Variants in DEDD observed in about 807,000 individuals in gnomAD.
DEDD encodes death effector domain-containing protein.
A neutral mutation model predicts 29.2 loss-of-function variants in DEDD; 3 were observed. The observed-to-expected ratio is 0.10, with a 90% CI of 0.05 to 0.27. The LOEUF (loss-of-function observed/expected upper bound fraction) is 0.27, where lower values mean the gene tolerates loss of function less well. DEDD is among the 10% of genes least tolerant of loss of function. DEDD has a pLI of 1.00. For synonymous variants in DEDD, 152 were observed against 161.3 expected, an observed-to-expected ratio of 0.94 and a Z score of 0.44; for missense variants, 261 against 420.5, an observed-to-expected ratio of 0.62 and a Z score of 3.32.
rs960630759 is a variant in DEDD at position 161,121,941 on chromosome 1, A to G, written c.*206T>C. On this transcript the variant is annotated 3_prime_UTR_variant, in exon 6 of 6. Coordinates refer to ENST00000368006, the MANE Select transcript of DEDD (RefSeq NM_032998.3). The stretch of plus-strand genomic sequence containing the variant: ...GAGACACATTACGGGGTAAATGGAA[A>G]AGGGAAATAAAGGGGAAGCCCAGGC... 2.1e-5 allele frequency: 13 copies of G among 605,912 alleles called. No homozygotes were observed. The highest frequency in any genetic ancestry group is 1.7e-4 in the East Asian group (6 of 34,926). 37.5% of individuals were successfully genotyped at this position (605,912 alleles called of 1,614,324 possible). A position where few individuals can be genotyped will look rare whatever the true frequency, so the allele number is the denominator to read the frequency against.
chr1:161,132,485 C>CCCCGCCCGGCCCCGCCCCGT (rs1259977970), intron 1 of DEDD, 66 bp downstream of exon 1: 5 of 154,504 alleles, frequency 3.2e-5, no homozygotes, highest in East Asian at 1.9e-4. Flanking sequence ...CCCTTTGCGG[C>CCCCGCCCGGCCCCGCCCCGT]CCCGCCCGGC....
Position 161,122,527 on chromosome 1 carries a change from T to C in DEDD, c.581-4A>G, listed in dbSNP as rs1264108425. The stretch of plus-strand genomic sequence containing the variant: ...GCCCGAACCCGCAGTCTGATGTCTG[T>C]TGGAAACAGAAGATACAGAGCAGAA... On this transcript the variant is annotated splice_polypyrimidine_tract_variant and splice_region_variant and intron_variant, in intron 5 of 5. Coordinates refer to ENST00000368006, the MANE Select transcript of DEDD (RefSeq NM_032998.3). The surrounding 1 kb of genome is among the most constrained non-coding windows in gnomAD (Gnocchi z 4.2). 2.5e-6 allele frequency: 4 copies of C among 1,612,588 alleles called. No homozygotes were observed. Among genetic ancestry groups the C allele is most frequent in the East Asian group, 2.2e-5 (1 of 44,830 alleles).
chr1:161,129,539 C>CA (rs71579693), intron 2 of DEDD, among the ~76,000 whole-genome samples: 1,265 of 70,090 alleles, frequency 0.018, 11 homozygotes, highest in Middle Eastern at 0.077. Context: ...GACCTTGCCT[C>CA]AAAAAAAAAA....
rs139146046 is a variant in DEDD, at chr1:161,122,213, G to C, written c.891C>G (p.Asp297Glu). 6.8e-6 allele frequency: 11 copies of C among 1,614,076 alleles called. No homozygotes were observed. The highest frequency in any genetic ancestry group is 1.6e-4 in the Middle Eastern group (1 of 6,082). The change falls in exon 6 of 6, where the codon GAC (aspartate) becomes GAG (glutamate). Residue 297 changes from aspartate (D) to glutamate (E), a missense_variant. By Grantham distance (45) the Asp-to-Glu change is conservative. Coordinates refer to ENST00000368006, the MANE Select transcript of DEDD (RefSeq NM_032998.3). The surrounding 1 kb of genome is among the most constrained non-coding windows in gnomAD (Gnocchi z 4.2). ...GTCGGCCCAGCTCATAGTCCTCCTC[G>C]TCTACATTTACCAGCAGCTTGATGG... is the stretch of plus-strand genomic sequence containing the variant. ...HEAIKLLVNVDEEDYELGRQK... is the reference protein window; with the variant it reads ...HEAIKLLVNVEEEDYELGRQK...
Position 161,123,211 on chromosome 1 carries a change from G to A in DEDD, c.444C>T (p.His148=). 1 of 1,613,948 alleles carries A rather than the reference G, an allele frequency of 6.2e-7. No individual in the cohort carries two copies. Among genetic ancestry groups the A allele is most frequent in the Non-Finnish European group, 8.5e-7 (1 of 1,179,782 alleles). ...PPQPSKTVPP[H]YPVVCCPTSG... is the part of the protein sequence containing the mutation. ...AAGTGGGGCAACACACCACAGGATAGTGGGGAGGCACTGACCAGAAAGTAA... is the reference window on the plus strand; with the variant it reads ...AAGTGGGGCAACACACCACAGGATAATGGGGAGGCACTGACCAGAAAGTAA... The change falls in exon 5 of 6, where the codon CAC becomes CAT. Residue 148 remains histidine (H), a synonymous_variant. Transcript: ENST00000368006.
chr1:161,122,515 G>A lies in DEDD; in HGVS notation c.589C>T (p.Leu197=). Residue 197 remains leucine, a synonymous_variant, in exon 6 of 6, where the codon CTG becomes TTG. Coordinates refer to ENST00000368006, the MANE Select transcript of DEDD (RefSeq NM_032998.3). The surrounding 1 kb of genome is among the most constrained non-coding windows in gnomAD (Gnocchi z 4.2). ...PKEKQTCDIR[L]RVRAEYCQHE... ...TGGCAGTATTCAGCCCGAACCCGCAGTCTGATGTCTGTTGGAAACAGAAGA... is the reference window on the plus strand; with the variant it reads ...TGGCAGTATTCAGCCCGAACCCGCAATCTGATGTCTGTTGGAAACAGAAGA... 2 of 1,613,236 alleles carry A rather than the reference G, an allele frequency of 1.2e-6. No homozygotes were observed.
chr1:161,130,498 G>A (rs1249461309), intron 2 of DEDD, among the ~76,000 whole-genome samples: 1 of 151,966 alleles, frequency 6.6e-6, no homozygotes, highest in African/African-American at 2.4e-5. Flanking sequence ...GCAACATTTA[G>A]TAGACAATGT....
Position 161,121,305 on chromosome 1 carries a change from C to A in DEDD, c.*842G>T. 2.3e-6 allele frequency: 1 copy of A among 435,082 alleles called. No individual in the cohort carries two copies. The highest frequency in any genetic ancestry group is 3.1e-6 in the Non-Finnish European group (1 of 326,368). 27.0% of individuals were successfully genotyped at this position (435,082 alleles called of 1,614,324 possible). Reference sequence around the variant, plus strand: ...CACCTATGATGCCCTTTGCCCAAGCCAGAAGAAAGCAAAGGGGAAAAGGGC... The same window carrying A: ...CACCTATGATGCCCTTTGCCCAAGCAAGAAGAAAGCAAAGGGGAAAAGGGC... On this transcript the variant is annotated 3_prime_UTR_variant, in exon 6 of 6. Coordinates refer to ENST00000368006, the MANE Select transcript of DEDD (RefSeq NM_032998.3).
At chr1:161,124,910 A>T in intron 2 of DEDD, 2 of 161,078 alleles carry the variant, frequency 1.2e-5, no homozygotes, top group Non-Finnish European at 2.7e-5. Context: ...AGCCTGGTCA[A>T]CATAGCAAGA....
Position 161,124,237 on chromosome 1 carries a change from G to C in DEDD, c.226C>G (p.Arg76Gly). 1.2e-6 allele frequency: 2 copies of C among 1,614,206 alleles called. No homozygotes were observed. The highest frequency in any genetic ancestry group is 1.7e-6 in the Non-Finnish European group (2 of 1,180,046). The change falls in exon 3 of 6, where the codon CGC becomes GGC. Residue 76 changes from arginine (R) to glycine (G), a missense_variant. By Grantham distance (125) the Arg-to-Gly change is moderately radical (BLOSUM62 -2). Transcript: ENST00000368006. Reference sequence around the variant, plus strand: ...TGGCGAAAGTTACTTTCATCACAGCGGCCCTGGCGCTCCAGTGCCAATAAG... The same window carrying C: ...TGGCGAAAGTTACTTTCATCACAGCCGCCCTGGCGCTCCAGTGCCAATAAG... ...DFLLALERQG[R>G]CDESNFRQVL...
rs1304817646 is a variant in DEDD at position 161,122,716 on chromosome 1, CGGG to C, written c.581-196_581-194del. ...CCTGAATGCAGGAGGTTCCCTTAAA[CGGG>C]ACATGCCGAGGTCAGCACTGTTCCC... On this transcript the variant is annotated intron_variant, in intron 5 of 5. Coordinates refer to ENST00000368006, the MANE Select transcript of DEDD (RefSeq NM_032998.3). This position sits in a 1 kb window ranked among gnomAD's most constrained non-coding sequence, Gnocchi z 4.2. 2.6e-5 allele frequency among the ~76,000 whole-genome samples: 4 copies of C among 152,174 alleles called. No individual in the cohort carries two copies. The highest frequency in any genetic ancestry group is 5.9e-5 in the Non-Finnish European group (4 of 68,026).
chr1:161,128,457 C>T (rs1656365126), intron 2 of DEDD, among the ~76,000 whole-genome samples: 1 of 152,026 alleles, frequency 6.6e-6, no homozygotes, highest in Non-Finnish European at 1.5e-5. Flanking sequence ...AAAAATTAGC[C>T]TGGCGTGGTG....
chr1:161,122,681 G>A lies in DEDD; in HGVS notation c.581-158C>T, dbSNP rs1357195342. 6.6e-6 allele frequency among the ~76,000 whole-genome samples: 1 copy of A among 152,166 alleles called. No homozygotes were observed. Among genetic ancestry groups the A allele is most frequent in the African/African-American group, 2.4e-5 (1 of 41,436 alleles). ...CCCAGGACTATTTCTATGTATCTCT[G>A]AAATCCTTGCCTGAATGCAGGAGGT... On this transcript the variant is annotated intron_variant, in intron 5 of 5. Coordinates refer to ENST00000368006, the MANE Select transcript of DEDD (RefSeq NM_032998.3). The surrounding 1 kb of genome is among the most constrained non-coding windows in gnomAD (Gnocchi z 4.2).
chr1:161,124,644 T>C, intron 2 of DEDD, 118 bp from the exon 3 acceptor site: 1 of 1,289,952 alleles, frequency 7.8e-7, no homozygotes, highest in Non-Finnish European at 1.0e-6. Flanking sequence ...TACATGTTTA[T>C]TAAATTTTTG....
rs1476690914 is a variant in DEDD, at chr1:161,121,032, A to C, written c.*1115T>G. The C allele has an allele frequency of 7.5e-7, 1 of 1,339,748 alleles. No individual in the cohort carries two copies. Among genetic ancestry groups the C allele is most frequent in the African/African-American group, 1.5e-5 (1 of 67,838 alleles). The allele number at this position is 1,339,748 out of a possible 1,614,324, so 83.0% of individuals were successfully genotyped here. A position where few individuals can be genotyped will look rare whatever the true frequency, so the allele number is the denominator to read the frequency against. On this transcript the variant is annotated 3_prime_UTR_variant, in exon 6 of 6. Transcript: ENST00000368006. ...ACTGAAGTTCTGCTGAGGGCTGAGC[A>C]GCACTGGCATTGAAAAATATAATAA...
At chr1:161,123,766 A>G in intron 4 of DEDD, 73 bp downstream of exon 4, 1 of 1,360,590 alleles carries the variant, frequency 7.3e-7, no homozygotes, top group Non-Finnish European at 1.0e-6. Flanking sequence ...TAAGCTGGCA[A>G]AGCCCAGAAT....
intron 2 of DEDD, among the ~76,000 whole-genome samples, chr1:161,128,515 C>T (rs866862096): frequency 6.6e-6 from 1 of 152,078 alleles, no homozygotes; most frequent in African/African-American, 2.4e-5. Flanking sequence ...GTAGAAGAAT[C>T]GCTTGAGCCT....
chr1:161,123,264 G>T (rs776425371), intron 4 of DEDD, 43 bp from the exon 5 acceptor site: 8 of 1,569,402 alleles, frequency 5.1e-6, no homozygotes, highest in Non-Finnish European at 7.0e-6. Context: ...TAGGGTAAAG[G>T]CAGAAATTCA....
At position 161,121,973 on chromosome 1, in the gene DEDD, G is replaced by A; in HGVS notation, c.*174C>T. 1 of 793,246 alleles carries A rather than the reference G, an allele frequency of 1.3e-6. No homozygotes were observed. The highest frequency in any genetic ancestry group is 2.0e-6 in the Non-Finnish European group (1 of 509,006). The allele number at this position is 793,246 out of a possible 1,614,324, so 49.1% of individuals were successfully genotyped here. On this transcript the variant is annotated 3_prime_UTR_variant, in exon 6 of 6. Transcript: ENST00000368006. The stretch of plus-strand genomic sequence containing the variant: ...ATAAAGGGGAAGCCCAGGCACATGG[G>A]TGCAGGGAGGGGTGGGGAATACCAC...
Sources: gnomAD v4.1 joint callset for allele counts (sites outside exome capture counted in the v4.1 genomes callset) on GRCh38, gnomAD v4.1.1 for gene constraint, Gnocchi (gnomAD v3.1) non-coding constraint, MANE v1.5 for transcripts, NCBI Gene and HGNC (gene_info 2026-07-23, HGNC 2026-07-21) for gene names.